The following COLEC12 variants were observed in gnomAD, a reference collection of about 807,000 sequenced individuals.
COLEC12 encodes collectin subfamily member 12.
A neutral mutation model predicts 71.1 loss-of-function variants in COLEC12; 33 were observed. That is an observed-to-expected ratio of 0.46 (90% CI 0.35 to 0.62). COLEC12 has a LOEUF of 0.62. Ranked by LOEUF, COLEC12 falls within the 20% of genes least tolerant of loss-of-function variation. The probability of loss-of-function intolerance (pLI) is 0.00; values close to 1 mark genes in which losing one functional copy is unlikely to be tolerated. For missense variants in COLEC12, 765 were observed against 916.1 expected (o/e 0.84, Z 2.13); for synonymous variants, 350 against 353.0 (o/e 0.99, Z 0.10).
intron 2 of COLEC12, among the ~76,000 whole-genome samples, chr18:398,705 A>C (rs73356563): frequency 0.015 from 2,338 of 152,342 alleles, 68 homozygotes; most frequent in African/African-American, 0.054. Context: ...TATCTGACTT[A>C]GTGATGTCTA....
chr18:384,519 G>C (rs1181689595), intron 2 of COLEC12, among the ~76,000 whole-genome samples: 1 of 152,208 alleles, frequency 6.6e-6, no homozygotes, highest in Non-Finnish European at 1.5e-5. Context: ...TTAAAGGTGG[G>C]AACTAGAGAA....
intron 2 of COLEC12, among the ~76,000 whole-genome samples, chr18:475,325 T>C (rs1917283839): frequency 6.6e-6 from 1 of 152,092 alleles, no homozygotes; most frequent in Non-Finnish European, 1.5e-5. Flanking sequence ...ACTCAGTCGT[T>C]CCCCACAGGA....
intron 2 of COLEC12, among the ~76,000 whole-genome samples, chr18:372,571 C>G (rs1915023870): frequency 6.6e-6 from 1 of 152,110 alleles, no homozygotes; most frequent in South Asian, 2.1e-4. Context: ...GTGTGCACCA[C>G]CAGGCCCAGC....
At chr18:475,157 T>C (rs1917280913) in intron 2 of COLEC12, among the ~76,000 whole-genome samples, 2 of 152,160 alleles carry the variant, frequency 1.3e-5, no homozygotes, top group African/African-American at 4.8e-5. Context: ...TCCCCTTAAC[T>C]TGATGCAAAT....
chr18:463,343 G>A (rs1000678801), intron 2 of COLEC12, among the ~76,000 whole-genome samples: 1 of 152,168 alleles, frequency 6.6e-6, no homozygotes, highest in African/African-American at 2.4e-5. Context: ...AGCCATAGTT[G>A]CTTAGTAATA....
In COLEC12 at chr18:319,407, A is replaced by C. The variant is rs1452839442; in HGVS notation, c.*638T>G. On this transcript the variant is annotated 3_prime_UTR_variant, in exon 10 of 10. Transcript: ENST00000400256. Reference sequence around the variant, plus strand: ...ATTTTTTTAAAGCCACAATTGAAAAAATTCTTTGCCACTGGGTAGAATTAA... The same window carrying C: ...ATTTTTTTAAAGCCACAATTGAAAACATTCTTTGCCACTGGGTAGAATTAA... The C allele has an allele frequency of 6.9e-6, 1 of 145,614 alleles. No homozygotes were observed. Among genetic ancestry groups the C allele is most frequent in the Non-Finnish European group, 1.5e-5 (1 of 66,500 alleles). The allele number at this position is 145,614 out of a possible 1,614,324, so 9.0% of individuals were successfully genotyped here. A position where few individuals can be genotyped will look rare whatever the true frequency, so the allele number is the denominator to read the frequency against.
chr18:466,133 G>C (rs1245043613), intron 2 of COLEC12, among the ~76,000 whole-genome samples: 1 of 152,054 alleles, frequency 6.6e-6, no homozygotes, highest in African/African-American at 2.4e-5. Context: ...CCAGCTACTA[G>C]GGAGGCTGAG....
intron 1 of COLEC12, among the ~76,000 whole-genome samples, chr18:494,696 A>G (rs1917678238): frequency 6.6e-6 from 1 of 152,246 alleles, no homozygotes; most frequent in Non-Finnish European, 1.5e-5. Context: ...TTGAATAATA[A>G]ATTGTTTTAT....
chr18:343,464 C>A (rs1320537140), intron 5 of COLEC12, among the ~76,000 whole-genome samples: 1 of 151,976 alleles, frequency 6.6e-6, no homozygotes, highest in Non-Finnish European at 1.5e-5. Flanking sequence ...TAGGCCAAGT[C>A]ACCAACAGCT....
chr18:455,682 A>G (rs570429884), intron 2 of COLEC12, among the ~76,000 whole-genome samples: 40 of 146,460 alleles, frequency 2.7e-4, no homozygotes, highest in African/African-American at 7.4e-4. Flanking sequence ...GGTGTGTGAC[A>G]TTCCCCTCCC....
rs1913707584 is a variant in COLEC12 at position 321,674 on chromosome 18, C to CT, written c.2196dup (p.Asp733ArgfsTer19). The CT allele has an allele frequency of 6.2e-7, 1 of 1,614,214 alleles. No individual in the cohort carries two copies. Among genetic ancestry groups the CT allele is most frequent in the Non-Finnish European group, 8.5e-7 (1 of 1,180,022 alleles). Reference sequence around the variant, plus strand: ...ATCTACTGCTCACCTGTCTCCCTGTCTTTTTCGCAAATGAAGTTATTGACG... The same window carrying CT: ...ATCTACTGCTCACCTGTCTCCCTGTCTTTTTTCGCAAATGAAGTTATTGACG... On this transcript the variant is annotated frameshift_variant, in exon 9 of 10. Coordinates refer to ENST00000400256, the MANE Select transcript of COLEC12 (RefSeq NM_130386.3). LOFTEE classifies it high-confidence loss of function.
intron 1 of COLEC12, among the ~76,000 whole-genome samples, chr18:485,617 T>A (rs773519400): frequency 1.3e-5 from 2 of 152,260 alleles, no homozygotes; most frequent in African/African-American, 2.4e-5. Context: ...CAGAGCCACA[T>A]TGGGGCCAGA....
At chr18:429,505 C>A (rs765599345) in intron 2 of COLEC12, among the ~76,000 whole-genome samples, 4 of 152,040 alleles carry the variant, frequency 2.6e-5, no homozygotes, top group Non-Finnish European at 4.4e-5. Flanking sequence ...CCTCAGCCTC[C>A]TGAGTAACTG....
intron 2 of COLEC12, among the ~76,000 whole-genome samples, chr18:394,818 T>C (rs1437786893): frequency 6.6e-6 from 1 of 152,190 alleles, no homozygotes; most frequent in East Asian, 1.9e-4. Flanking sequence ...CCATGCCAGC[T>C]GCCTCTTGGT....
chr18:372,743 G>A (rs1014010024), intron 2 of COLEC12, among the ~76,000 whole-genome samples: 1 of 152,112 alleles, frequency 6.6e-6, no homozygotes, highest in Admixed American at 6.5e-5. Context: ...ACTGACACAG[G>A]ATAATATGAT....
At chr18:400,481 C>T (rs756108871) in intron 2 of COLEC12, among the ~76,000 whole-genome samples, 1 of 152,152 alleles carries the variant, frequency 6.6e-6, no homozygotes, top group Non-Finnish European at 1.5e-5. Flanking sequence ...TGTTTCCTTT[C>T]TTCTTTATTA....
At chr18:462,051 T>G (rs1169821936) in intron 2 of COLEC12, among the ~76,000 whole-genome samples, 1 of 152,234 alleles carries the variant, frequency 6.6e-6, no homozygotes. Context: ...TAATTCAAGC[T>G]GGTCTTTTTC....
rs142565092 is a variant in COLEC12, at chr18:429,202, G to GTT, written c.58+51503_58+51504dup. 1.6e-4 allele frequency among the ~76,000 whole-genome samples: 24 copies of GTT among 151,666 alleles called. 2 individuals carry two copies. The South Asian group carries it at 2.5e-3, about 16-fold the overall frequency. ...TCATCTACTCTGTGTGTGTTTTTAT[G>GTT]TTTTTTTTGTTTTGATTTGTTTTTT... On this transcript the variant is annotated intron_variant, in intron 2 of 9. Coordinates refer to ENST00000400256, the MANE Select transcript of COLEC12 (RefSeq NM_130386.3).
At chr18:413,564 C>T (rs1915932767) in intron 2 of COLEC12, among the ~76,000 whole-genome samples, 1 of 152,194 alleles carries the variant, frequency 6.6e-6, no homozygotes, top group Admixed American at 6.5e-5. Context: ...AGGCACAGTG[C>T]TACGATCCCA....
Sources: allele counts gnomAD v4.1 joint callset (sites outside exome capture counted in the v4.1 genomes callset), GRCh38; gene constraint gnomAD v4.1.1; transcripts MANE v1.5; gene names NCBI Gene and HGNC (gene_info 2026-07-23, HGNC 2026-07-21).